Variants in SPAM1 observed in about 807,000 individuals in gnomAD.
SPAM1 encodes the protein hyaluronidase PH-20.
A neutral mutation model predicts 29.6 loss-of-function variants in SPAM1; 22 were observed. The observed-to-expected ratio is 0.74, with a 90% confidence interval of 0.53 to 1.06. The LOEUF (loss-of-function observed/expected upper bound fraction) is 1.06, where lower values mean the gene tolerates loss of function less well. SPAM1 is among the 50% of genes least tolerant of loss of function. The pLI is 0.00. For synonymous variants in SPAM1, 194 were observed against 204.6 expected, an observed-to-expected ratio of 0.95 and a Z score of 0.44; for missense variants, 534 against 604.0, an observed-to-expected ratio of 0.88 and a Z score of 1.21.
intron 1 of SPAM1, among the ~76,000 whole-genome samples, chr7:123,927,653 C>T (rs976140780): frequency 1.3e-5 from 2 of 152,134 alleles, no homozygotes; most frequent in African/African-American, 4.8e-5. Flanking sequence ...AGGCCTCATT[C>T]AGCTAGTTCT....
At chr7:123,939,649 T>A (rs1808366611) in intron 1 of SPAM1, among the ~76,000 whole-genome samples, 1 of 152,156 alleles carries the variant, frequency 6.6e-6, no homozygotes, top group African/African-American at 2.4e-5. Flanking sequence ...GAGACAAAGA[T>A]TTTCTGCTAA....
At chr7:123,952,893 GA>G (rs11356452) in intron 2 of SPAM1, among the ~76,000 whole-genome samples, 81,695 of 131,202 alleles carry the variant, frequency 0.62, 23,674 homozygotes, top group African/African-American at 0.69. Context: ...GCTCCCCTTT[GA>G]AAAAAAAAAA....
At chr7:123,937,533 G>A (rs576398261) in intron 1 of SPAM1, among the ~76,000 whole-genome samples, 61 of 150,104 alleles carry the variant, frequency 4.1e-4, no homozygotes, top group East Asian at 2.6e-3. Flanking sequence ...CCCGGGAGGC[G>A]GAGCTTGCAG....
At chr7:123,945,339 C>T (rs985851358) in intron 1 of SPAM1, among the ~76,000 whole-genome samples, 7 of 151,890 alleles carry the variant, frequency 4.6e-5, no homozygotes, top group African/African-American at 1.7e-4. Flanking sequence ...CTTCAGAATG[C>T]ACCTCTGAAT....
intron 1 of SPAM1, among the ~76,000 whole-genome samples, chr7:123,936,440 A>G (rs1258298828): frequency 1.3e-5 from 2 of 152,132 alleles, no homozygotes; most frequent in Non-Finnish European, 2.9e-5. Flanking sequence ...CAGTAGTTTC[A>G]CTGGTACACA....
At chr7:123,952,700 C>T (rs140781218) in intron 2 of SPAM1, among the ~76,000 whole-genome samples, 13 of 151,986 alleles carry the variant, frequency 8.6e-5, no homozygotes, top group Middle Eastern at 3.4e-3. Context: ...TAGAACTGAT[C>T]CTTTTAGTAG....
chr7:123,926,932 T>A (rs922338149), intron 1 of SPAM1, among the ~76,000 whole-genome samples: 1 of 152,172 alleles, frequency 6.6e-6, no homozygotes, highest in South Asian at 2.1e-4. Flanking sequence ...GTTGATTATC[T>A]TCTGGATCTG....
Position 123,954,484 on chromosome 7 carries a change from G to A in SPAM1, c.914G>A (p.Arg305His), listed in dbSNP as rs150235912. Residue 305 changes from arginine (R) to histidine (H), a missense_variant, in exon 3 of 5, where the codon CGC (arginine) becomes CAC (histidine). Coordinates refer to ENST00000682466, the MANE Select transcript of SPAM1 (RefSeq NM_153189.3). ...CCACTTCCGGTTTTTGCATATACCC[G>A]CATAGTTTTTACTGATCAAGTTTTG... ...KSPLPVFAYT[R>H]IVFTDQVLKF... The A allele has an allele frequency of 5.7e-5, 92 of 1,610,450 alleles. No individual in the cohort carries two copies. The African/African-American group carries it at 9.5e-4, about 17-fold the overall frequency.
chr7:123,952,352 T>G (rs1165591239), intron 2 of SPAM1, among the ~76,000 whole-genome samples: 1 of 152,132 alleles, frequency 6.6e-6, no homozygotes, highest in Non-Finnish European at 1.5e-5. Context: ...AGGACACATG[T>G]TCCTGGGAAG....
intron 1 of SPAM1, chr7:123,926,064 T>C (rs1383832523): frequency 6.6e-6 from 1 of 152,046 alleles, no homozygotes; most frequent in Non-Finnish European, 1.5e-5. Context: ...TAAGCTGAAA[T>C]GTGAGTTGTG....
chr7:123,963,499 AT>A (rs1346041090), downstream of SPAM1, among the ~76,000 whole-genome samples: 1 of 151,724 alleles, frequency 6.6e-6, no homozygotes, highest in Non-Finnish European at 1.5e-5. Flanking sequence ...TAAAAAGGAT[AT>A]TTTTTATCTC....
At chr7:123,931,200 T>C (rs1200681231) in intron 1 of SPAM1, among the ~76,000 whole-genome samples, 2 of 152,150 alleles carry the variant, frequency 1.3e-5, no homozygotes, top group Admixed American at 1.3e-4. Context: ...CCCTCCTGCC[T>C]CTCAGTCCCA....
chr7:123,934,145 C>T (rs1275083222), intron 1 of SPAM1, among the ~76,000 whole-genome samples: 1 of 152,094 alleles, frequency 6.6e-6, no homozygotes, highest in East Asian at 1.9e-4. Context: ...TGTATAAGTA[C>T]ACTCTATGAT....
At chr7:123,946,926 T>C (rs1808593341) in intron 1 of SPAM1, among the ~76,000 whole-genome samples, 1 of 152,304 alleles carries the variant, frequency 6.6e-6, no homozygotes, top group Non-Finnish European at 1.5e-5. Flanking sequence ...GTAGCTTTTT[T>C]GAATTTGTAG....
chr7:123,929,315 T>C (rs1162913227), intron 1 of SPAM1, among the ~76,000 whole-genome samples: 1 of 152,118 alleles, frequency 6.6e-6, no homozygotes, highest in Non-Finnish European at 1.5e-5. Context: ...CATTTCCTGG[T>C]CATTTGCAGG....
intron 5 of SPAM1, among the ~76,000 whole-genome samples, chr7:123,967,620 G>A (rs1792445277): frequency 6.6e-6 from 1 of 151,992 alleles, no homozygotes; most frequent in South Asian, 2.1e-4. Context: ...ATGTGTGGGT[G>A]TATGCATGTG....
At position 123,954,234 on chromosome 7, in the gene SPAM1, C is replaced by T. The variant is rs1792191089; in HGVS notation, c.664C>T (p.Pro222Ser). The change falls in exon 3 of 5, where the codon CCG (proline) becomes TCG (serine). Residue 222 changes from proline to serine, a missense_variant. Transcript: ENST00000682466. ...TCACTTGTGGGGTTATTATCTTTTT[C>T]CGGATTGTTACAACCATCACTATAA... ...PNHLWGYYLF[P>S]DCYNHHYKKP... is the part of the protein sequence containing the mutation. 1 of 1,613,412 alleles carries T rather than the reference C, an allele frequency of 6.2e-7. No individual in the cohort carries two copies. Among genetic ancestry groups the T allele is most frequent in the Non-Finnish European group, 8.5e-7 (1 of 1,179,700 alleles).
At chr7:123,964,939 A>T (rs1248552711), downstream of SPAM1, among the ~76,000 whole-genome samples, 2 of 152,036 alleles carry the variant, frequency 1.3e-5, no homozygotes, top group African/African-American at 4.8e-5. Context: ...TTCTGTTTCC[A>T]CATGATGCTG....
chr7:123,939,669 A>G (rs998680763), intron 1 of SPAM1, among the ~76,000 whole-genome samples: 1 of 152,190 alleles, frequency 6.6e-6, no homozygotes, highest in African/African-American at 2.4e-5. Flanking sequence ...ATCAAACTCT[A>G]ATCAGGCTCA....
Sources: gnomAD v4.1 joint callset for allele counts (sites outside exome capture counted in the v4.1 genomes callset) on GRCh38, gnomAD v4.1.1 for gene constraint, MANE v1.5 for transcripts, NCBI Gene and HGNC (gene_info 2026-07-23, HGNC 2026-07-21) for gene names.